Variants in PFKFB3 observed in about 807,000 individuals in gnomAD.
The protein encoded by PFKFB3 is 6-phosphofructo-2-kinase/fructose-2,6-biphosphatase 3, also known as 6-phosphofructo-2-kinase/fructose-2,6-bisphosphatase 3.
PFKFB3 carries 33 observed loss-of-function variants against 68.0 expected under a neutral mutation model. That is an observed-to-expected ratio of 0.49 (90% CI 0.37 to 0.65). The LOEUF is 0.65. Among genes scored for constraint, PFKFB3 ranks in the 30% least tolerant of loss-of-function variants. The pLI is 0.00. For synonymous variants in PFKFB3, 315 were observed against 288.2 expected (o/e 1.09, Z -0.94); for missense variants, 586 against 712.2 (o/e 0.82, Z 2.02).
intron 14 of PFKFB3, among the ~76,000 whole-genome samples, chr10:6,251,353 A>G (rs1219357153): frequency 6.6e-6 from 1 of 152,226 alleles, no homozygotes; most frequent in Non-Finnish European, 1.5e-5. Context: ...TCACCCAGGA[A>G]GAGTCCTTGC....
In PFKFB3 at chr10:6,221,530, G is replaced by C; in HGVS notation, c.978+3G>C. Reference sequence around the variant, plus strand: ...AGGCGCTCAATGAGATCGACGCGGTGAGTCCTGGGAGGCGGGCAGGCAGCC... The same window carrying C: ...AGGCGCTCAATGAGATCGACGCGGTCAGTCCTGGGAGGCGGGCAGGCAGCC... On this transcript the variant is annotated splice_donor_region_variant and intron_variant, in intron 9 of 14. Coordinates refer to ENST00000379775, the MANE Select transcript of PFKFB3 (RefSeq NM_004566.4). 1 of 1,612,868 alleles carries C rather than the reference G, an allele frequency of 6.2e-7. No individual in the cohort carries two copies. Among genetic ancestry groups the C allele is most frequent in the Non-Finnish European group, 8.5e-7 (1 of 1,179,732 alleles).
downstream of PFKFB3, among the ~76,000 whole-genome samples, chr10:6,236,253 C>T (rs567284648): frequency 2.0e-5 from 3 of 152,336 alleles, no homozygotes; most frequent in South Asian, 2.1e-4. Flanking sequence ...ACTTCTTTGC[C>T]GCTCATTGGC....
At chr10:6,178,864 G>A (rs73614044) in intron 1 of PFKFB3, among the ~76,000 whole-genome samples, 3,965 of 152,266 alleles carry the variant, frequency 0.026, 96 homozygotes, top group African/African-American at 0.065. Flanking sequence ...CAGCGCACTG[G>A]TCCCTACCTT....
At chr10:6,261,147 G>T in the PFKFB3 span, among the ~76,000 whole-genome samples, 3 of 152,306 alleles carry the variant, frequency 2.0e-5, no homozygotes, top group East Asian at 5.8e-4. Context: ...GACAAACGAG[G>T]TTGTCTTTTC....
the PFKFB3 span, among the ~76,000 whole-genome samples, chr10:6,313,637 C>G: frequency 1.3e-5 from 2 of 152,174 alleles, no homozygotes; most frequent in Admixed American, 6.5e-5. This position sits in a 1 kb window ranked among gnomAD's most constrained non-coding sequence, Gnocchi z 4.2. Context: ...ATTGGCTGTG[C>G]TGCGGTTTCA....
At chr10:6,247,387 A>C (rs1193727830) in intron 14 of PFKFB3, among the ~76,000 whole-genome samples, 1 of 151,742 alleles carries the variant, frequency 6.6e-6, no homozygotes, top group Non-Finnish European at 1.5e-5. Flanking sequence ...AAAAATGAGG[A>C]CTCTAACAAT....
At chr10:6,174,596 T>C (rs1564597642) in intron 1 of PFKFB3, among the ~76,000 whole-genome samples, 1 of 152,082 alleles carries the variant, frequency 6.6e-6, no homozygotes, top group Non-Finnish European at 1.5e-5. Context: ...GCACTGGGCC[T>C]GCTGCCCCTG....
chr10:6,261,035 A>C, the PFKFB3 span, among the ~76,000 whole-genome samples: 1 of 152,338 alleles, frequency 6.6e-6, no homozygotes, highest in South Asian at 2.1e-4. Flanking sequence ...AGTTCCCTGC[A>C]TCTTCACCAT....
At chr10:6,278,108 G>C in the PFKFB3 span, among the ~76,000 whole-genome samples, 1 of 151,894 alleles carries the variant, frequency 6.6e-6, no homozygotes, top group Non-Finnish European at 1.5e-5. Context: ...AGTAGAGACG[G>C]GGTTTCGCCA....
intron 1 of PFKFB3, among the ~76,000 whole-genome samples, chr10:6,161,125 G>A (rs1267616155): frequency 6.6e-6 from 1 of 151,972 alleles, no homozygotes; most frequent in Non-Finnish European, 1.5e-5. Flanking sequence ...TAGTAGAGAC[G>A]GGGTTTCACC....
In PFKFB3 at chr10:6,234,455, C is replaced by T. The variant is rs898293205; in HGVS notation, c.*1513C>T. 4 of 152,278 alleles carry T rather than the reference C, an allele frequency of 2.6e-5. No individual in the cohort carries two copies. The highest frequency in any genetic ancestry group is 5.9e-5 in the Non-Finnish European group (4 of 68,046). 9.4% of individuals were successfully genotyped at this position (152,278 alleles called of 1,614,324 possible). ...GGTTGGAATTGAGTAGGAACTGAGG[C>T]TGTGCTTCAGGTATGGTACAATCAA... On this transcript the variant is annotated 3_prime_UTR_variant, in exon 15 of 15. Coordinates refer to ENST00000379775, the MANE Select transcript of PFKFB3 (RefSeq NM_004566.4).
At chr10:6,153,129 GCC>G in intron 1 of PFKFB3, among the ~76,000 whole-genome samples, 1 of 151,596 alleles carries the variant, frequency 6.6e-6, no homozygotes, top group Non-Finnish European at 1.5e-5. Context: ...CCAAGATCAT[GCC>G]ACTGCACTCC....
At position 6,220,667 on chromosome 10, in the gene PFKFB3, G is replaced by T. The variant is rs145567510; in HGVS notation, c.633G>T (p.Ser211=). 438 of 1,613,816 alleles carry T rather than the reference G, an allele frequency of 2.7e-4. 1 individual carries two copies. In the African/African-American group the frequency reaches 3.4e-3, roughly 13 times the overall value. The change falls in exon 8 of 15, where the codon TCG becomes TCT. Residue 211 remains serine, a synonymous_variant. Transcript: ENST00000379775. The surrounding 1 kb of genome is among the most constrained non-coding windows in gnomAD (Gnocchi z 4.1). The part of the protein sequence containing the change: ...LDPDKCDRDL[S]LIKVIDVGRR... ...TGGGGTCTCTCTGCAGGGACTTGTC[G>T]CTGATCAAGGTGATTGACGTGGGCC...
chr10:6,200,780 G>A (rs2131848858), upstream of PFKFB3, among the ~76,000 whole-genome samples: 1 of 151,924 alleles, frequency 6.6e-6, no homozygotes, highest in East Asian at 1.9e-4. Flanking sequence ...CTCTAGACTC[G>A]GAACGCGTTA....
chr10:6,157,233 C>CT (rs910147371), intron 1 of PFKFB3, among the ~76,000 whole-genome samples: 34 of 51,506 alleles, frequency 6.6e-4, no homozygotes, highest in South Asian at 1.5e-3. Context: ...GTTGTGTCTT[C>CT]TTTTTTTTTT....
chr10:6,166,312 C>G (rs893246720), intron 1 of PFKFB3, among the ~76,000 whole-genome samples: 2 of 151,852 alleles, frequency 1.3e-5, no homozygotes, highest in African/African-American at 4.8e-5. Flanking sequence ...AGGTTGGTCT[C>G]AAACTACTGA....
At position 6,180,053 on chromosome 10, in the gene PFKFB3, T is replaced by C. The variant is rs978493094; in HGVS notation, c.17-33570T>C. On this transcript the variant is annotated intron_variant, in intron 1 of 14. Coordinates refer to the PFKFB3 transcript ENST00000379789. The stretch of plus-strand genomic sequence containing the variant: ...CATTCAAAATAACCAGCTTTAAAAA[T>C]GTGTGTGGGCCAGGCTCGGTGGCGC... 3.9e-5 allele frequency among the ~76,000 whole-genome samples: 6 copies of C among 151,952 alleles called. No homozygotes were observed. In the East Asian group the frequency reaches 5.8e-4, roughly 15 times the overall value.
At chr10:6,213,790 A>G (rs1199312117) in intron 2 of PFKFB3, 42 bp downstream of exon 2, 11 of 1,593,550 alleles carry the variant, frequency 6.9e-6, no homozygotes, top group Non-Finnish European at 9.4e-6. Context: ...TCGTGCAAAA[A>G]CTTGACCTTC....
In PFKFB3 at chr10:6,182,978, G is replaced by A. The variant is rs527283342; in HGVS notation, c.17-30645G>A. ...CGCCACAGGTTGAGAACATGGATGG[G>A]GCGGTGCCCAGCACGGTCCCTGGCT... On this transcript the variant is annotated intron_variant, in intron 1 of 14. Coordinates refer to the PFKFB3 transcript ENST00000379789. 2.6e-5 allele frequency among the ~76,000 whole-genome samples: 4 copies of A among 152,276 alleles called. No individual in the cohort carries two copies. In the East Asian group the frequency reaches 7.7e-4, roughly 29 times the overall value.
Sources: gnomAD v4.1 joint callset for allele counts (sites outside exome capture counted in the v4.1 genomes callset) on GRCh38, gnomAD v4.1.1 for gene constraint, Gnocchi (gnomAD v3.1) non-coding constraint, MANE v1.5 for transcripts, NCBI Gene and HGNC (gene_info 2026-07-23, HGNC 2026-07-21) for gene names.